The following TAF1B variants were observed in gnomAD, a reference collection of about 807,000 sequenced individuals.
The protein encoded by TAF1B is TATA box-binding protein-associated factor RNA polymerase I subunit B.
A neutral mutation model predicts 83.9 loss-of-function variants in TAF1B; 61 were observed. The observed-to-expected ratio is 0.73, with a 90% CI of 0.59 to 0.90. TAF1B has a LOEUF of 0.90. Among genes scored for constraint, TAF1B ranks in the 40% least tolerant of loss-of-function variants. TAF1B has a pLI of 0.00. For missense variants in TAF1B, 625 were observed against 677.0 expected, an observed-to-expected ratio of 0.92 and a Z score of 0.85; for synonymous variants, 221 against 224.6, an observed-to-expected ratio of 0.98 and a Z score of 0.14.
At chr2:9,851,021 T>C (rs1193500299) in intron 3 of TAF1B, among the ~76,000 whole-genome samples, 2 of 152,234 alleles carry the variant, frequency 1.3e-5, no homozygotes, top group Non-Finnish European at 2.9e-5. Context: ...TCCGGTATCA[T>C]GAGATCGTGA....
In TAF1B at chr2:9,849,471, T is replaced by C; in HGVS notation, c.205+11T>C. On this transcript the variant is annotated intron_variant, in intron 3 of 14. Transcript: ENST00000263663. ...AAAAAAACAATACTGGTAAGTTCTT[T>C]CTTCATATGTACTTAACATTCTTTA... is the stretch of plus-strand genomic sequence containing the variant. 1 of 1,516,716 alleles carries C rather than the reference T, an allele frequency of 6.6e-7. No individual in the cohort carries two copies. The highest frequency in any genetic ancestry group is 8.9e-7 in the Non-Finnish European group (1 of 1,127,710). 94.0% of individuals were successfully genotyped at this position (1,516,716 alleles called of 1,614,324 possible).
At chr2:9,929,050 T>G (rs1473979308) in intron 14 of TAF1B, among the ~76,000 whole-genome samples, 1 of 152,254 alleles carries the variant, frequency 6.6e-6, no homozygotes, top group Non-Finnish European at 1.5e-5. Flanking sequence ...ACCTAGTTTA[T>G]TGAGAGTTTT....
rs6754167 is a variant in TAF1B, at chr2:9,914,327, T to C, written c.1271+1078T>C. ...TGGATTCCCAGGAAACCAGGCTCCC[T>C]GCCTCCTCATCAGAGAAGGAGTGAC... On this transcript the variant is annotated intron_variant, in intron 12 of 14. Transcript: ENST00000263663. This position sits in a 1 kb window ranked among gnomAD's most constrained non-coding sequence, Gnocchi z 4.3. Among the ~76,000 whole-genome samples the C allele has an allele frequency of 1, 151,891 of 152,218 alleles. 75,784 individuals are homozygous for C. The highest frequency in any genetic ancestry group is 1 in the Middle Eastern group (294 of 294).
intron 4 of TAF1B, chr2:9,852,190 A>G (rs1663418257): frequency 9.6e-6 from 3 of 314,014 alleles, no homozygotes; most frequent in Admixed American, 4.4e-5. Flanking sequence ...GTAGAGCCCA[A>G]GAATGTGCAT....
Position 9,929,041 on chromosome 2 carries a change from C to A in TAF1B, c.1566-4742C>A, listed in dbSNP as rs1211233993. Among the ~76,000 whole-genome samples, 3 of 152,112 alleles carry A rather than the reference C, an allele frequency of 2.0e-5. No individual in the cohort carries two copies. In the South Asian group the frequency reaches 6.2e-4, roughly 32 times the overall value. ...TGTTTTGAGATATGTTCCATCAGTACCTAGTTTATTGAGAGTTTTTAGCAT... is the reference window on the plus strand; with the variant it reads ...TGTTTTGAGATATGTTCCATCAGTAACTAGTTTATTGAGAGTTTTTAGCAT... On this transcript the variant is annotated intron_variant, in intron 14 of 14. Transcript: ENST00000263663.
chr2:9,891,868 G>T (rs1287965441), intron 8 of TAF1B, among the ~76,000 whole-genome samples: 1 of 152,164 alleles, frequency 6.6e-6, no homozygotes, highest in African/African-American at 2.4e-5. Flanking sequence ...TGTATTACAG[G>T]AGTCAAAAAG....
At chr2:9,866,844 C>A (rs1475020510) in intron 5 of TAF1B, among the ~76,000 whole-genome samples, 2 of 152,008 alleles carry the variant, frequency 1.3e-5, no homozygotes, top group South Asian at 2.1e-4. Flanking sequence ...GGACAAAAAA[C>A]CAAACATCGC....
chr2:9,888,687 T>C (rs147458073), intron 8 of TAF1B, among the ~76,000 whole-genome samples: 6 of 152,036 alleles, frequency 3.9e-5, no homozygotes, highest in African/African-American at 1.2e-4. Flanking sequence ...TAATGTGCCT[T>C]TTTTCCTTTA....
At chr2:9,918,055 G>T (rs1321997309) in intron 12 of TAF1B, among the ~76,000 whole-genome samples, 1 of 149,656 alleles carries the variant, frequency 6.7e-6, no homozygotes, top group Admixed American at 6.6e-5. Context: ...CTGGGCGACA[G>T]AGCGAGACTC....
At chr2:9,932,625 G>A (rs1213910997) in intron 14 of TAF1B, among the ~76,000 whole-genome samples, 1 of 152,190 alleles carries the variant, frequency 6.6e-6, no homozygotes, top group East Asian at 1.9e-4. Flanking sequence ...CTGCACGGGG[G>A]TCAGGGACCC....
intron 7 of TAF1B, among the ~76,000 whole-genome samples, chr2:9,878,557 C>G (rs968159946): frequency 3.9e-5 from 6 of 152,188 alleles, no homozygotes; most frequent in Admixed American, 3.3e-4. Context: ...ATCCATAGTC[C>G]TTAGGATAAA....
intron 7 of TAF1B, among the ~76,000 whole-genome samples, chr2:9,880,326 G>T (rs191261580): frequency 2.7e-5 from 4 of 149,498 alleles, no homozygotes; most frequent in Non-Finnish European, 5.9e-5. Context: ...GATGCTTTTA[G>T]TCTACACCAG....
At chr2:9,921,292 A>G (rs559048181) in intron 14 of TAF1B, among the ~76,000 whole-genome samples, 7 of 152,196 alleles carry the variant, frequency 4.6e-5, no homozygotes, top group East Asian at 3.9e-4. Flanking sequence ...GGGTCTCCCT[A>G]TGCTGCCCAG....
At chr2:9,866,325 A>C (rs1374366396) in intron 5 of TAF1B, among the ~76,000 whole-genome samples, 1 of 152,252 alleles carries the variant, frequency 6.6e-6, no homozygotes, top group Non-Finnish European at 1.5e-5. Flanking sequence ...GCCCACAAAC[A>C]CATGAAAAAA....
chr2:9,887,097 G>A (rs1436215900), intron 8 of TAF1B, among the ~76,000 whole-genome samples: 1 of 152,090 alleles, frequency 6.6e-6, no homozygotes, highest in African/African-American at 2.4e-5. Context: ...CCACCTATGG[G>A]GAGTGTGGTA....
rs200932835 is a variant in TAF1B, at chr2:9,845,339, A to G, written c.117+21A>G. The G allele has an allele frequency of 9.5e-5, 151 of 1,596,618 alleles. No individual in the cohort carries two copies. In the East Asian group the frequency reaches 3.2e-3, roughly 33 times the overall value. ...CAGAGGTAAGTAACAAATATCATTT[A>G]TGAATTTGCTTATGTTTTAAAAATT... On this transcript the variant is annotated intron_variant, in intron 2 of 14. Transcript: ENST00000263663.
rs369799473 is a variant in TAF1B, at chr2:9,933,908, T to C, written c.1691T>C (p.Val564Ala). ...TSLLHEEVSL[V>A]EKKLFEKKYS... ...CTTCTCCATGAAGAAGTGAGCTTAG[T>C]TGAGAAGAAACTTTTTGAGAAAAAA... Residue 564 changes from valine (V) to alanine (A), a missense_variant, in exon 15 of 15, where the codon GTT (valine) becomes GCT (alanine). Transcript: ENST00000263663. 1.1e-5 allele frequency: 17 copies of C among 1,613,660 alleles called. No homozygotes were observed. Among genetic ancestry groups the C allele is most frequent in the African/African-American group, 9.3e-5 (7 of 74,892 alleles).
intron 5 of TAF1B, among the ~76,000 whole-genome samples, chr2:9,863,281 G>C (rs1433039735): frequency 6.6e-6 from 1 of 152,106 alleles, no homozygotes; most frequent in Non-Finnish European, 1.5e-5. Flanking sequence ...AGCAAAAAAA[G>C]GCAGGGGTTG....
At chr2:9,866,732 C>T (rs371045585) in intron 5 of TAF1B, among the ~76,000 whole-genome samples, 4 of 152,092 alleles carry the variant, frequency 2.6e-5, no homozygotes, top group African/African-American at 9.7e-5. Context: ...GTGGCACATA[C>T]ACACCATGGA....
Sources: allele counts gnomAD v4.1 joint callset (sites outside exome capture counted in the v4.1 genomes callset), GRCh38; gene constraint gnomAD v4.1.1; non-coding constraint Gnocchi (gnomAD v3.1); transcripts MANE v1.5; gene names NCBI Gene and HGNC (gene_info 2026-07-23, HGNC 2026-07-21).